TPST1: variants seen among roughly 807,000 people sequenced by gnomAD.
TPST1 encodes the protein protein-tyrosine sulfotransferase 1.
TPST1 carries 20 observed loss-of-function variants against 34.8 expected under a neutral mutation model. The observed-to-expected ratio is 0.57, with a 90% confidence interval of 0.40 to 0.84. The LOEUF (loss-of-function observed/expected upper bound fraction) is 0.84, where lower values mean the gene tolerates loss of function less well. TPST1 is among the 40% of genes least tolerant of loss of function. The pLI, the probability that TPST1 is intolerant of heterozygous loss-of-function variation, is 0.00. For synonymous variants in TPST1, 152 were observed against 159.4 expected (o/e 0.95, Z 0.35); for missense variants, 353 against 455.5 (o/e 0.78, Z 2.05).
intron 3 of TPST1, among the ~76,000 whole-genome samples, chr7:66,296,676 G>GTTTTTTTTT (rs55888171): frequency 5.3e-4 from 49 of 92,090 alleles, no homozygotes; most frequent in South Asian, 7.5e-4. Flanking sequence ...TACTGGGTTG[G>GTTTTTTTTT]TTTTTTTTTT....
intron 1 of TPST1, among the ~76,000 whole-genome samples, chr7:66,213,244 A>T (rs894610829): frequency 6.6e-6 from 1 of 151,834 alleles, no homozygotes; most frequent in Non-Finnish European, 1.5e-5. Flanking sequence ...ATTTTTTTCC[A>T]GTCTTATTTT....
chr7:66,255,145 CAAAAAAAAAA>C (rs35033344), intron 2 of TPST1, among the ~76,000 whole-genome samples: 1 of 78,518 alleles, frequency 1.3e-5, no homozygotes, highest in South Asian at 4.0e-4. Flanking sequence ...GACAACGTCT[CAAAAAAAAAA>C]AAAAAAAAAA....
At chr7:66,316,725 G>A (rs1791639957) in intron 3 of TPST1, among the ~76,000 whole-genome samples, 1 of 152,126 alleles carries the variant, frequency 6.6e-6, no homozygotes, top group Non-Finnish European at 1.5e-5. Flanking sequence ...ATAAAATACA[G>A]GATGCTCAAT....
chr7:66,261,615 A>T (rs913504382), intron 2 of TPST1, among the ~76,000 whole-genome samples: 1 of 152,094 alleles, frequency 6.6e-6, no homozygotes, highest in East Asian at 1.9e-4. Flanking sequence ...TGTGTGCCTG[A>T]CATTCTGTTT....
At chr7:66,214,753 C>T (rs941712880) in intron 1 of TPST1, among the ~76,000 whole-genome samples, 5 of 150,038 alleles carry the variant, frequency 3.3e-5, no homozygotes, top group East Asian at 3.9e-4. Flanking sequence ...GGAGGGGAGG[C>T]GAGATCCTGC....
intron 3 of TPST1, among the ~76,000 whole-genome samples, chr7:66,350,676 G>A (rs1792458679): frequency 6.6e-6 from 1 of 152,174 alleles, no homozygotes; most frequent in Non-Finnish European, 1.5e-5. Context: ...CTGGGATTCA[G>A]CATTGAGATT....
At chr7:66,352,409 A>G (rs1234433168) in intron 3 of TPST1, 96 bp from the exon 4 acceptor site, 30 of 1,542,164 alleles carry the variant, frequency 1.9e-5, no homozygotes, top group Admixed American at 1.8e-4. Context: ...CCAGCAGTGG[A>G]GCAGTAAACC....
chr7:66,267,393 G>A (rs1790613112), intron 2 of TPST1, among the ~76,000 whole-genome samples: 1 of 152,074 alleles, frequency 6.6e-6, no homozygotes, highest in Non-Finnish European at 1.5e-5. Flanking sequence ...AGTCAGTAAG[G>A]GGACTTTTGA....
At chr7:66,347,163 G>A (rs1412388570) in intron 3 of TPST1, among the ~76,000 whole-genome samples, 1 of 130,322 alleles carries the variant, frequency 7.7e-6, no homozygotes, top group Non-Finnish European at 1.6e-5. Flanking sequence ...CACCTCCCAG[G>A]TTCAAGTAAT....
At chr7:66,273,218 A>G (rs1193122941) in intron 2 of TPST1, among the ~76,000 whole-genome samples, 1 of 152,214 alleles carries the variant, frequency 6.6e-6, no homozygotes, top group Non-Finnish European at 1.5e-5. Context: ...ATAAATTTAA[A>G]ATTTAATCAA....
chr7:66,253,476 T>A (rs1261847420), intron 2 of TPST1, among the ~76,000 whole-genome samples: 1 of 151,430 alleles, frequency 6.6e-6, no homozygotes, highest in Non-Finnish European at 1.5e-5. Context: ...GTTCAAGCGA[T>A]TCTCATGCCT....
intron 2 of TPST1, 147 bp downstream of exon 2, chr7:66,241,417 C>T: frequency 1.1e-6 from 1 of 916,262 alleles, no homozygotes; most frequent in East Asian, 3.0e-5. Context: ...ACAGATACAG[C>T]TTCATTGATG....
intron 3 of TPST1, among the ~76,000 whole-genome samples, chr7:66,345,751 G>A (rs1350794310): frequency 2.6e-5 from 4 of 151,872 alleles, no homozygotes; most frequent in African/African-American, 9.7e-5. Flanking sequence ...TTTGATGCGG[G>A]TATACAATAT....
chr7:66,247,383 G>A (rs1362179096), intron 2 of TPST1, among the ~76,000 whole-genome samples: 5 of 152,118 alleles, frequency 3.3e-5, no homozygotes, highest in Non-Finnish European at 5.9e-5. Context: ...AGCTGAGGTC[G>A]TGCCACTGCA....
chr7:66,346,364 A>G (rs1359676009), intron 3 of TPST1, among the ~76,000 whole-genome samples: 1 of 152,140 alleles, frequency 6.6e-6, no homozygotes, highest in Non-Finnish European at 1.5e-5. Flanking sequence ...TTGCTAGATC[A>G]TATGGTAGTT....
At chr7:66,280,340 T>C (rs1292132664) in intron 2 of TPST1, among the ~76,000 whole-genome samples, 1 of 152,218 alleles carries the variant, frequency 6.6e-6, no homozygotes, top group Non-Finnish European at 1.5e-5. Flanking sequence ...GCCATCTTCT[T>C]GTAGGTCATG....
chr7:66,276,980 A>G (rs1169370891), intron 2 of TPST1, among the ~76,000 whole-genome samples: 1 of 151,996 alleles, frequency 6.6e-6, no homozygotes, highest in African/African-American at 2.4e-5. Context: ...ATAGCTCTCC[A>G]TCTCCTGTTT....
chr7:66,279,603 C>T (rs1790892044), intron 2 of TPST1, among the ~76,000 whole-genome samples: 2 of 152,062 alleles, frequency 1.3e-5, no homozygotes, highest in Non-Finnish European at 2.9e-5. Context: ...CTTATTCTGG[C>T]CAATTTACTC....
intron 3 of TPST1, among the ~76,000 whole-genome samples, chr7:66,294,831 C>T (rs943028395): frequency 6.6e-6 from 1 of 151,848 alleles, no homozygotes; most frequent in African/African-American, 2.4e-5. Context: ...ATCATCTTAC[C>T]TTTATATACA....
Sources: gnomAD v4.1 joint callset for allele counts (sites outside exome capture counted in the v4.1 genomes callset) on GRCh38, gnomAD v4.1.1 for gene constraint, MANE v1.5 for transcripts, NCBI Gene and HGNC (gene_info 2026-07-23, HGNC 2026-07-21) for gene names.